The following MED27 variants were observed in gnomAD, a reference collection of about 807,000 sequenced individuals.
The protein encoded by MED27 is mediator of RNA polymerase II transcription subunit 27.
Under a neutral mutation model 38.2 loss-of-function variants are expected in MED27, and 30 were observed. That is an observed-to-expected ratio of 0.79 (90% CI 0.59 to 1.07). The LOEUF is 1.07. MED27 is among the 50% of genes least tolerant of loss of function. The pLI is 0.00. For synonymous variants in MED27, 122 were observed against 153.5 expected (o/e 0.79, Z 1.52); for missense variants, 289 against 397.5 (o/e 0.73, Z 2.32).
At chr9:132,040,452 C>T in intron 2 of MED27, among the ~76,000 whole-genome samples, 1 of 152,164 alleles carries the variant, frequency 6.6e-6, no homozygotes, top group East Asian at 1.9e-4. Context: ...TAGGCGGCTC[C>T]ACATGCAGAG....
At chr9:131,959,620 G>A (rs935394739) in intron 3 of MED27, among the ~76,000 whole-genome samples, 6 of 152,126 alleles carry the variant, frequency 3.9e-5, no homozygotes, top group Non-Finnish European at 4.4e-5. Flanking sequence ...TAGTCAGTTC[G>A]ATACACATTT....
intron 3 of MED27, among the ~76,000 whole-genome samples, chr9:131,939,977 G>GCT (rs930033267): frequency 6.6e-6 from 1 of 150,636 alleles, no homozygotes; most frequent in African/African-American, 2.4e-5. Flanking sequence ...CGTGATCTCG[G>GCT]CTCACTGCAA....
intron 3 of MED27, among the ~76,000 whole-genome samples, chr9:131,958,839 T>C (rs1299211558): frequency 1.3e-5 from 2 of 152,112 alleles, no homozygotes; most frequent in Non-Finnish European, 2.9e-5. Flanking sequence ...TGGGTGAAAA[T>C]GGACGTGAAC....
In MED27 at chr9:132,003,104, T is replaced by C. The variant is rs1832281557; in HGVS notation, c.479+11233A>G. ...GCAAAGAGAGATTTAAAAAAAAAAA[T>C]GGATCCAGCTTCTATGTGATGAGCT... On this transcript the variant is annotated intron_variant, in intron 3 of 7. Coordinates refer to ENST00000292035, the MANE Select transcript of MED27 (RefSeq NM_004269.4). This position sits in a 1 kb window ranked among gnomAD's most constrained non-coding sequence, Gnocchi z 4.2. Among the ~76,000 whole-genome samples the C allele has an allele frequency of 6.6e-6, 1 of 151,330 alleles. No individual in the cohort carries two copies. The highest frequency in any genetic ancestry group is 2.4e-5 in the African/African-American group (1 of 41,128).
intron 2 of MED27, among the ~76,000 whole-genome samples, chr9:132,039,801 C>G (rs1833168200): frequency 6.6e-6 from 1 of 152,194 alleles, no homozygotes; most frequent in Non-Finnish European, 1.5e-5. Flanking sequence ...GAAAAAGACA[C>G]TCAAGACAGG....
In MED27 at chr9:132,028,892, G is replaced by A. The variant is rs1259100053; in HGVS notation, c.349-14425C>T. Among the ~76,000 whole-genome samples, 6 of 152,140 alleles carry A rather than the reference G, an allele frequency of 3.9e-5. No individual in the cohort carries two copies. The East Asian group carries it at 9.6e-4, about 24-fold the overall frequency. Reference sequence around the variant, plus strand: ...AAGCACCCCCAGGCAGCTCCAAGACGCGCTAAAATCTGAGCACAATCATAG... The same window carrying A: ...AAGCACCCCCAGGCAGCTCCAAGACACGCTAAAATCTGAGCACAATCATAG... On this transcript the variant is annotated intron_variant, in intron 2 of 7. Coordinates refer to ENST00000292035, the MANE Select transcript of MED27 (RefSeq NM_004269.4).
chr9:132,047,191 C>T (rs1833360652), intron 2 of MED27, among the ~76,000 whole-genome samples: 1 of 151,724 alleles, frequency 6.6e-6, no homozygotes, highest in Non-Finnish European at 1.5e-5. Flanking sequence ...TCAGTATTAC[C>T]CAGAGAGAAA....
intron 3 of MED27, among the ~76,000 whole-genome samples, chr9:131,975,160 G>A (rs1233344506): frequency 6.6e-6 from 1 of 152,174 alleles, no homozygotes; most frequent in Non-Finnish European, 1.5e-5. Flanking sequence ...GTGATTTGGA[G>A]AATACTCAAA....
intron 3 of MED27, among the ~76,000 whole-genome samples, chr9:132,011,763 T>C (rs1278134249): frequency 6.6e-6 from 1 of 152,158 alleles, no homozygotes; most frequent in Non-Finnish European, 1.5e-5. Flanking sequence ...GATTCCAGGA[T>C]AATGTAAGCC....
At chr9:131,870,240 C>T (rs1838806376) in intron 6 of MED27, among the ~76,000 whole-genome samples, 1 of 152,220 alleles carries the variant, frequency 6.6e-6, no homozygotes, top group Non-Finnish European at 1.5e-5. Context: ...AAGAGCTGGT[C>T]TACGCTGCAC....
chr9:131,977,833 T>C (rs1323593726), intron 3 of MED27, among the ~76,000 whole-genome samples: 2 of 152,182 alleles, frequency 1.3e-5, no homozygotes, highest in Admixed American at 1.3e-4. Flanking sequence ...CAATCAAGCA[T>C]TTACTCTGCC....
At chr9:132,033,552 C>T (rs1463274835) in intron 2 of MED27, among the ~76,000 whole-genome samples, 1 of 152,238 alleles carries the variant, frequency 6.6e-6, no homozygotes, top group Non-Finnish European at 1.5e-5. Context: ...TCAAAGGTTA[C>T]CTCTCCATCG....
rs576124100 is a variant in MED27 at position 132,061,242 on chromosome 9, G to A, written c.348+16200C>T. Among the ~76,000 whole-genome samples the A allele has an allele frequency of 3.3e-5, 5 of 152,298 alleles. No homozygotes were observed. In the South Asian group the frequency reaches 6.2e-4, roughly 19 times the overall value. On this transcript the variant is annotated intron_variant, in intron 2 of 7. Coordinates refer to ENST00000292035, the MANE Select transcript of MED27 (RefSeq NM_004269.4). ...GTAAGTCAGAGCTAAAAGGGCCAAC[G>A]GTGCCTTATTCACAGCACATGCCTG...
intron 4 of MED27, among the ~76,000 whole-genome samples, chr9:131,919,717 G>C (rs1830355264): frequency 6.6e-6 from 1 of 152,032 alleles, no homozygotes; most frequent in African/African-American, 2.4e-5. Flanking sequence ...GAAACCTCTA[G>C]CATCAGGTCA....
At chr9:131,890,240 A>G (rs1839206508) in intron 5 of MED27, among the ~76,000 whole-genome samples, 1 of 152,194 alleles carries the variant, frequency 6.6e-6, no homozygotes, top group Admixed American at 6.5e-5. Context: ...TTCTCTGCCA[A>G]ATGTGGTCAG....
rs73548882 is a variant in MED27 at position 131,872,231 on chromosome 9, C to T, written c.724-9091G>A. Among the ~76,000 whole-genome samples the T allele has an allele frequency of 1.3e-3, 195 of 152,290 alleles. No homozygotes were observed. The highest frequency in any genetic ancestry group is 4.4e-3 in the African/African-American group (183 of 41,578). The stretch of plus-strand genomic sequence containing the variant: ...GCGGGCCACTGCCTGCTTCCCACCA[C>T]CAGGGGACAGGACTGTGGCCGAGCA... On this transcript the variant is annotated intron_variant, in intron 6 of 7. Transcript: ENST00000292035. This position sits in a 1 kb window ranked among gnomAD's most constrained non-coding sequence, Gnocchi z 5.6.
At position 132,070,564 on chromosome 9, in the gene MED27, G is replaced by A. The variant is rs561647844; in HGVS notation, c.348+6878C>T. ...ACAGCAAGACCCTGTCTCAAAAAAAGGCTAAAAATCCCAGACTGGCCCACA... is the reference window on the plus strand; with the variant it reads ...ACAGCAAGACCCTGTCTCAAAAAAAAGCTAAAAATCCCAGACTGGCCCACA... On this transcript the variant is annotated intron_variant, in intron 2 of 7. Transcript: ENST00000292035. Among the ~76,000 whole-genome samples the A allele has an allele frequency of 1.1e-4, 17 of 152,258 alleles. 1 individual carries two copies. In the South Asian group the frequency reaches 3.5e-3, roughly 32 times the overall value.
At chr9:132,004,097 C>A (rs1320141869) in intron 3 of MED27, among the ~76,000 whole-genome samples, 1 of 152,132 alleles carries the variant, frequency 6.6e-6, no homozygotes, top group Non-Finnish European at 1.5e-5. Flanking sequence ...ACCGAGGAAA[C>A]CCCCCGGGAC....
chr9:131,993,817 G>A (rs923728983), intron 3 of MED27, among the ~76,000 whole-genome samples: 1 of 152,186 alleles, frequency 6.6e-6, no homozygotes, highest in Admixed American at 6.5e-5. Context: ...GTCTGTGTGG[G>A]TCTTCTCCGT....
Sources: allele counts gnomAD v4.1 joint callset (sites outside exome capture counted in the v4.1 genomes callset), GRCh38; gene constraint gnomAD v4.1.1; non-coding constraint Gnocchi (gnomAD v3.1); transcripts MANE v1.5; gene names NCBI Gene and HGNC (gene_info 2026-07-23, HGNC 2026-07-21).